PROSER2: variants seen among roughly 807,000 people sequenced by gnomAD.
The protein encoded by PROSER2 is proline and serine-rich protein 2.
In PROSER2, 18 loss-of-function variants were observed where a neutral mutation model predicts 14.6. The ratio of observed to expected loss-of-function variants is 1.23; its 90% CI spans 0.85 to 1.83. The LOEUF is 1.83. PROSER2 is among the 40% of genes most tolerant of loss of function. The pLI is 0.00. For synonymous variants in PROSER2, 367 were observed against 286.4 expected (o/e 1.28, Z -2.84); for missense variants, 823 against 629.8 (o/e 1.31, Z -3.28).
intron 2 of PROSER2, among the ~76,000 whole-genome samples, chr10:11,853,432 A>G (rs956520717): frequency 2.6e-5 from 4 of 152,206 alleles, no homozygotes; most frequent in Admixed American, 2.6e-4. Context: ...TACTAAAAAT[A>G]CAAAAATTAG....
At chr10:11,857,825 G>C (rs1178357242) in intron 2 of PROSER2, among the ~76,000 whole-genome samples, 2 of 151,616 alleles carry the variant, frequency 1.3e-5, no homozygotes, top group Non-Finnish European at 2.9e-5. Context: ...AACCTCGGAA[G>C]AGAGACTCTA....
intron 1 of PROSER2, among the ~76,000 whole-genome samples, chr10:11,844,803 C>G (rs988775130): frequency 6.6e-6 from 1 of 152,090 alleles, no homozygotes; most frequent in African/African-American, 2.4e-5. Context: ...TGTGTTTTTA[C>G]TAGAGACAGG....
Position 11,870,019 on chromosome 10 carries a change from A to AG in PROSER2, c.926dup (p.Gly310ArgfsTer18). On this transcript the variant is annotated frameshift_variant, in exon 4 of 4. Transcript: ENST00000277570. LOFTEE classifies it low-confidence loss of function (END_TRUNC). ...CGGGGGACGCCGGCGAGGGGGCCCC[A>AG]GGGGGCGGCTCCTCCCCGGAGCGGG... is the stretch of plus-strand genomic sequence containing the variant. The AG allele has an allele frequency of 8.0e-7, 1 of 1,242,676 alleles. No homozygotes were observed. The highest frequency in any genetic ancestry group is 1.0e-6 in the Non-Finnish European group (1 of 994,322). 77.0% of individuals were successfully genotyped at this position (1,242,676 alleles called of 1,614,324 possible). A position where few individuals can be genotyped will look rare whatever the true frequency, so the allele number is the denominator to read the frequency against.
intron 1 of PROSER2, among the ~76,000 whole-genome samples, chr10:11,842,461 A>C (rs1205208208): frequency 6.6e-6 from 1 of 151,462 alleles, no homozygotes; most frequent in African/African-American, 2.4e-5. Context: ...TTCTCTAGAA[A>C]TTTTAACATG....
chr10:11,866,701 G>A lies in PROSER2; in HGVS notation c.309G>A (p.Glu103=), dbSNP rs1423471530. The part of the protein sequence containing the change: ...SLEESTSSPS[E]PEDVIDLVQP... The stretch of plus-strand genomic sequence containing the variant: ...AGGAGAGCACCTCCAGTCCCTCCGA[G>A]CCTGAAGATGTCATCGACTTAGTGC... The change falls in exon 3 of 4, where the codon GAG becomes GAA. Residue 103 remains glutamate, a synonymous_variant. Coordinates refer to ENST00000277570, the MANE Select transcript of PROSER2 (RefSeq NM_153256.4). This position sits in a 1 kb window ranked among gnomAD's most constrained non-coding sequence, Gnocchi z 6.0. 1.9e-6 allele frequency: 3 copies of A among 1,614,052 alleles called. No homozygotes were observed. The highest frequency in any genetic ancestry group is 2.5e-6 in the Non-Finnish European group (3 of 1,180,026).
chr10:11,864,200 C>G (rs1438600130), intron 2 of PROSER2, among the ~76,000 whole-genome samples: 2 of 152,176 alleles, frequency 1.3e-5, no homozygotes, highest in Admixed American at 6.6e-5. Context: ...TGTATAGGAT[C>G]CTAGTTCACA....
intron 1 of PROSER2, among the ~76,000 whole-genome samples, chr10:11,841,863 G>C (rs1833849760): frequency 6.6e-6 from 1 of 152,162 alleles, no homozygotes; most frequent in Non-Finnish European, 1.5e-5. Flanking sequence ...CGTATAATGT[G>C]TTGTAAATCT....
intron 1 of PROSER2, among the ~76,000 whole-genome samples, chr10:11,834,792 A>G (rs1833736158): frequency 6.6e-6 from 1 of 151,996 alleles, no homozygotes; most frequent in Non-Finnish European, 1.5e-5. Flanking sequence ...TCAAGAGTAA[A>G]CTGGGATTTT....
intron 1 of PROSER2, among the ~76,000 whole-genome samples, chr10:11,824,987 C>G (rs1833591842): frequency 1.3e-5 from 2 of 152,166 alleles, no homozygotes; most frequent in African/African-American, 4.8e-5. Flanking sequence ...AGAGCCGTGA[C>G]TGGTCGTCCA....
chr10:11,835,824 A>G (rs1315503959), intron 1 of PROSER2, among the ~76,000 whole-genome samples: 1 of 152,048 alleles, frequency 6.6e-6, no homozygotes, highest in African/African-American at 2.4e-5. Flanking sequence ...AGGGCCAACA[A>G]TGGCTGTTTT....
In PROSER2 at chr10:11,862,875, A is replaced by G. The variant is rs1443322850; in HGVS notation, c.139-3656A>G. ...TAGTCTTCGTGGAAATGACACTGAA[A>G]ATCACAGTGAAATATGACTGCATTC... On this transcript the variant is annotated intron_variant, in intron 2 of 3. Transcript: ENST00000277570. This position sits in a 1 kb window ranked among gnomAD's most constrained non-coding sequence, Gnocchi z 4.2. The G allele has an allele frequency of 6.6e-6, 1 of 152,176 alleles. No homozygotes were observed. The highest frequency in any genetic ancestry group is 6.5e-5 in the Admixed American group (1 of 15,282). The allele number at this position is 152,176 out of a possible 1,614,324, so 9.4% of individuals were successfully genotyped here. A position where few individuals can be genotyped will look rare whatever the true frequency, so the allele number is the denominator to read the frequency against.
intron 1 of PROSER2, among the ~76,000 whole-genome samples, chr10:11,841,574 C>T (rs533861167): frequency 6.6e-6 from 1 of 152,134 alleles, no homozygotes; most frequent in Non-Finnish European, 1.5e-5. Context: ...CCACAGGTTT[C>T]GATAGGTAGC....
At position 11,856,073 on chromosome 10, in the gene PROSER2, G is replaced by A. The variant is rs1834118262; in HGVS notation, c.138+3858G>A. The stretch of plus-strand genomic sequence containing the variant: ...TTATGTCTTTTCATTTGAAACATAA[G>A]AGGGCAGCTTTGATGTGTGTGCAAG... On this transcript the variant is annotated intron_variant, in intron 2 of 3. Transcript: ENST00000277570. This position sits in a 1 kb window ranked among gnomAD's most constrained non-coding sequence, Gnocchi z 5.3. 6.6e-6 allele frequency among the ~76,000 whole-genome samples: 1 copy of A among 152,206 alleles called. No individual in the cohort carries two copies. The highest frequency in any genetic ancestry group is 1.5e-5 in the Non-Finnish European group (1 of 68,038).
intron 3 of PROSER2, among the ~76,000 whole-genome samples, chr10:11,867,537 T>C (rs942796090): frequency 1.8e-4 from 28 of 152,022 alleles, no homozygotes; most frequent in African/African-American, 6.5e-4. Flanking sequence ...GGCACAAGAA[T>C]CACTTGAACC....
At chr10:11,859,798 T>C (rs1337227939) in intron 2 of PROSER2, among the ~76,000 whole-genome samples, 1 of 152,250 alleles carries the variant, frequency 6.6e-6, no homozygotes, top group East Asian at 1.9e-4. Context: ...TGGCATTTAG[T>C]GTATTTACAT....
At chr10:11,828,477 G>A (rs1336183574) in intron 1 of PROSER2, among the ~76,000 whole-genome samples, 1 of 152,046 alleles carries the variant, frequency 6.6e-6, no homozygotes, top group East Asian at 1.9e-4. Context: ...CAAGGCAGGC[G>A]GATCACCTGA....
At chr10:11,848,512 T>C (rs1833960717) in intron 1 of PROSER2, among the ~76,000 whole-genome samples, 1 of 152,152 alleles carries the variant, frequency 6.6e-6, no homozygotes, top group Non-Finnish European at 1.5e-5. Flanking sequence ...AAATGTGTGG[T>C]GTTCAGTTAG....
Position 11,870,378 on chromosome 10 carries a change from A to G in PROSER2, c.1280A>G (p.Lys427Arg), listed in dbSNP as rs1834460324. The G allele has an allele frequency of 6.6e-7, 1 of 1,507,568 alleles. No individual in the cohort carries two copies. Among genetic ancestry groups the G allele is most frequent in the Non-Finnish European group, 8.9e-7 (1 of 1,129,570 alleles). 93.4% of individuals were successfully genotyped at this position (1,507,568 alleles called of 1,614,324 possible). The change falls in exon 4 of 4, where the codon AAG (lysine) becomes AGG (arginine). Residue 427 changes from lysine (K) to arginine (R), a missense_variant. By Grantham distance (26) the Lys-to-Arg change is conservative (BLOSUM62 2). Coordinates refer to ENST00000277570, the MANE Select transcript of PROSER2 (RefSeq NM_153256.4). ...GAGGCGCGCAGGGAGGCCCTGCGGAAGCTGGGGCTGCTCAGGGAGAGTTCG... is the reference window on the plus strand; with the variant it reads ...GAGGCGCGCAGGGAGGCCCTGCGGAGGCTGGGGCTGCTCAGGGAGAGTTCG... ...SEEARREALR[K>R]LGLLRESS
rs115764809 is a variant in PROSER2 at position 11,866,114 on chromosome 10, G to A, written c.139-417G>A. Among the ~76,000 whole-genome samples the A allele has an allele frequency of 4.1e-3, 624 of 152,138 alleles. 2 individuals carry two copies. Among genetic ancestry groups the A allele is most frequent in the African/African-American group, 0.014 (579 of 41,508 alleles). ...TGTGCCTTAAAAAAAAAATCCCTTC[G>A]TTTTAGTACGGTTTCTGGTGAGAAA... On this transcript the variant is annotated intron_variant, in intron 2 of 3. Coordinates refer to ENST00000277570, the MANE Select transcript of PROSER2 (RefSeq NM_153256.4). The surrounding 1 kb of genome is among the most constrained non-coding windows in gnomAD (Gnocchi z 6.0).
Sources: allele counts gnomAD v4.1 joint callset (sites outside exome capture counted in the v4.1 genomes callset), GRCh38; gene constraint gnomAD v4.1.1; non-coding constraint Gnocchi (gnomAD v3.1); transcripts MANE v1.5; gene names NCBI Gene and HGNC (gene_info 2026-07-23, HGNC 2026-07-21).